Variants in FRAS1 observed in about 807,000 individuals in gnomAD.
FRAS1 encodes the protein extracellular matrix organizing protein FRAS1.
In FRAS1, 290 loss-of-function variants were observed where a neutral mutation model predicts 435.2. The ratio of observed to expected loss-of-function variants is 0.67; its 90% CI spans 0.61 to 0.73. The LOEUF is 0.73. Ranked by LOEUF, FRAS1 falls within the 30% of genes least tolerant of loss-of-function variation. FRAS1 has a pLI of 0.00. For synonymous variants in FRAS1, 1,800 were observed against 1,851.0 expected, an observed-to-expected ratio of 0.97 and a Z score of 0.71; for missense variants, 4,860 against 5,001.5, an observed-to-expected ratio of 0.97 and a Z score of 0.85.
intron 29 of FRAS1, 143 bp downstream of exon 29, chr4:78,387,844 T>C: frequency 1.9e-6 from 1 of 533,426 alleles, no homozygotes; most frequent in Non-Finnish European, 3.1e-6. Context: ...GAGGGCACTA[T>C]ATATCTAGTT....
chr4:78,120,741 G>C (rs566890623), intron 2 of FRAS1, among the ~76,000 whole-genome samples: 1 of 152,164 alleles, frequency 6.6e-6, no homozygotes, highest in Non-Finnish European at 1.5e-5. Flanking sequence ...ATGATTCACT[G>C]CCCGTGAATC....
intron 14 of FRAS1, among the ~76,000 whole-genome samples, chr4:78,305,378 C>A (rs1728658156): frequency 6.6e-6 from 1 of 150,772 alleles, no homozygotes; most frequent in Non-Finnish European, 1.5e-5. Context: ...TCTATTAGGT[C>A]TGCTTGGTGC....
rs760925105 is a variant in FRAS1, at chr4:78,430,378, C to T, written c.4930C>T (p.Leu1644Phe). 5.0e-6 allele frequency: 8 copies of T among 1,613,782 alleles called. No homozygotes were observed. Among genetic ancestry groups the T allele is most frequent in the Admixed American group, 1.7e-5 (1 of 59,992 alleles). Reference protein sequence around the residue: ...LRRPPQHGVLLKHTAEFRRPM... With the variant: ...LRRPPQHGVLFKHTAEFRRPM... Reference sequence around the variant, plus strand: ...GAGACCTCCACAGCATGGTGTGCTTCTTAAGCATACAGCTGAGTTCCGAAG... The same window carrying T: ...GAGACCTCCACAGCATGGTGTGCTTTTTAAGCATACAGCTGAGTTCCGAAG... Residue 1644 changes from leucine (L) to phenylalanine (F), a missense_variant, in exon 37 of 74, where the codon CTT (leucine) becomes TTT (phenylalanine). Physicochemically the swap from Leu to Phe is conservative, Grantham distance 22. Transcript: ENST00000512123.
At chr4:78,176,181 C>T (rs1390828387) in intron 2 of FRAS1, among the ~76,000 whole-genome samples, 4 of 152,170 alleles carry the variant, frequency 2.6e-5, no homozygotes, top group African/African-American at 9.7e-5. Context: ...TGTGAGATAG[C>T]ATTACTTCAT....
At chr4:78,441,423 A>G (rs1734654695) in intron 41 of FRAS1, 126 bp downstream of exon 41, 4 of 911,936 alleles carry the variant, frequency 4.4e-6, no homozygotes, top group Admixed American at 2.8e-5. Flanking sequence ...AAAGAAATGG[A>G]AGGAAGGTAG....
At chr4:78,077,194 A>T (rs1740676062) in intron 2 of FRAS1, among the ~76,000 whole-genome samples, 1 of 67,946 alleles carries the variant, frequency 1.5e-5, no homozygotes, top group Non-Finnish European at 3.2e-5. Flanking sequence ...CCAGACACAC[A>T]GAAACACACA....
At chr4:78,181,727 C>A in intron 2 of FRAS1, 1 of 1,610,388 alleles carries the variant, frequency 6.2e-7, no homozygotes. Context: ...TCCAACTCGT[C>A]TTATTCCTTC....
chr4:78,089,524 A>C (rs1441954077), intron 2 of FRAS1, among the ~76,000 whole-genome samples: 1 of 152,170 alleles, frequency 6.6e-6, no homozygotes, highest in Non-Finnish European at 1.5e-5. Context: ...TTACATGTGA[A>C]TCATTTATTT....
intron 2 of FRAS1, among the ~76,000 whole-genome samples, chr4:78,158,837 G>A (rs774916930): frequency 2.0e-5 from 3 of 152,250 alleles, no homozygotes; most frequent in East Asian, 1.9e-4. Flanking sequence ...TGCCGCTGCC[G>A]TTCCGTCTTT....
chr4:78,289,460 G>A (rs1481022195), intron 14 of FRAS1, among the ~76,000 whole-genome samples: 1 of 152,108 alleles, frequency 6.6e-6, no homozygotes, highest in Non-Finnish European at 1.5e-5. Flanking sequence ...GTACATTAAG[G>A]CTTAGCACTA....
intron 11 of FRAS1, among the ~76,000 whole-genome samples, chr4:78,282,590 C>G (rs763423725): frequency 2.2e-5 from 3 of 134,084 alleles, no homozygotes; most frequent in Non-Finnish European, 4.8e-5. Flanking sequence ...TAAAATCTTT[C>G]GGCTGGTTCT....
At chr4:78,447,028 TA>T in intron 43 of FRAS1, 148 bp downstream of exon 43, 2 of 804,402 alleles carry the variant, frequency 2.5e-6, no homozygotes, top group Non-Finnish European at 3.7e-6. Flanking sequence ...AGCTGGCTAA[TA>T]TTTTTTTGGA....
chr4:78,286,357 G>A lies in FRAS1; in HGVS notation c.1400-48G>A, dbSNP rs1426248136. 8 of 1,609,820 alleles carry A rather than the reference G, an allele frequency of 5.0e-6. No individual in the cohort carries two copies. In the Admixed American group the frequency reaches 1.3e-4, roughly 27 times the overall value. On this transcript the variant is annotated intron_variant, in intron 13 of 73. Coordinates refer to ENST00000512123, the MANE Select transcript of FRAS1 (RefSeq NM_025074.7). ...ACTGGCATGGGGGTGGTGTCTTTCAGCTAATCAAATGGTTCCTTTCTCTTT... is the reference window on the plus strand; with the variant it reads ...ACTGGCATGGGGGTGGTGTCTTTCAACTAATCAAATGGTTCCTTTCTCTTT...
At chr4:78,413,810 A>G (rs1366862604) in intron 32 of FRAS1, among the ~76,000 whole-genome samples, 1 of 152,136 alleles carries the variant, frequency 6.6e-6, no homozygotes, top group Non-Finnish European at 1.5e-5. Flanking sequence ...GGAAAATGTG[A>G]AGCAAGGTGT....
rs930985029 is a variant in FRAS1 at position 78,473,542 on chromosome 4, G to T, written c.7627G>T (p.Val2543Phe). The T allele has an allele frequency of 4.3e-6, 7 of 1,612,402 alleles. No individual in the cohort carries two copies. The African/African-American group carries it at 9.4e-5, about 22-fold the overall frequency. ...GGTGAAAGACAGTAAACCCAATGTG[G>T]TCAGCGACAATGTCTTCCATATCCA... ...FLVKDSKPNV[V>F]SDNVFHIQWS... The change falls in exon 53 of 74, where the codon GTC becomes TTC. Residue 2543 changes from valine (V) to phenylalanine (F), a missense_variant. By Grantham distance (50) the Val-to-Phe change is conservative. Coordinates refer to ENST00000512123, the MANE Select transcript of FRAS1 (RefSeq NM_025074.7).
intron 4 of FRAS1, among the ~76,000 whole-genome samples, chr4:78,246,194 G>A (rs1030608016): frequency 5.3e-5 from 8 of 152,128 alleles, no homozygotes; most frequent in African/African-American, 1.4e-4. Context: ...TAGTAGGTAC[G>A]GTTGAATATG....
intron 14 of FRAS1, among the ~76,000 whole-genome samples, chr4:78,296,517 C>T (rs1205898854): frequency 1.3e-5 from 2 of 152,132 alleles, no homozygotes. Flanking sequence ...GGGGCTGTGA[C>T]TGGGGAGGAG....
chr4:78,250,861 A>AT (rs1725500041), intron 4 of FRAS1, among the ~76,000 whole-genome samples: 1 of 152,160 alleles, frequency 6.6e-6, no homozygotes, highest in African/African-American at 2.4e-5. Flanking sequence ...TATAATTAGT[A>AT]TTTTTTACAA....
intron 4 of FRAS1, among the ~76,000 whole-genome samples, chr4:78,249,664 G>A (rs1418227788): frequency 6.6e-6 from 1 of 152,144 alleles, no homozygotes; most frequent in Non-Finnish European, 1.5e-5. Flanking sequence ...AGGCTTTTGG[G>A]AAGGGAGAAC....
Sources: allele counts gnomAD v4.1 joint callset (sites outside exome capture counted in the v4.1 genomes callset), GRCh38; gene constraint gnomAD v4.1.1; transcripts MANE v1.5; gene names NCBI Gene and HGNC (gene_info 2026-07-23, HGNC 2026-07-21).